Variants in GRM5 observed in about 807,000 individuals in gnomAD.
The protein encoded by GRM5 is glutamate metabotropic receptor 5.
Under a neutral mutation model 83.1 loss-of-function variants are expected in GRM5, and 19 were observed. That is an observed-to-expected ratio of 0.23 (90% CI 0.16 to 0.34). GRM5 has a LOEUF of 0.34. Ranked by LOEUF, GRM5 falls within the 10% of genes least tolerant of loss-of-function variation. The pLI, the probability that GRM5 is intolerant of heterozygous loss-of-function variation, is 1.00. For missense variants in GRM5, 1,160 were observed against 1,588.3 expected (o/e 0.73, Z 4.58); for synonymous variants, 675 against 633.6 (o/e 1.07, Z -0.98).
Position 88,509,394 on chromosome 11 carries a change from G to C in GRM5, c.2837C>G (p.Thr946Arg). Residue 946 changes from threonine (T) to arginine (R), a missense_variant, in exon 10 of 10, where the codon ACG (threonine) becomes AGG (arginine). Coordinates refer to ENST00000305447, the MANE Select transcript of GRM5 (RefSeq NM_001143831.3). ...CTTGGGGAAGGGCTTGATGACGGCC[G>C]TTTGGTTGGGGTTTTCTTTCTTGTT... Reference protein sequence around the residue: ...HINKKENPNQTAVIKPFPKST... With the variant: ...HINKKENPNQRAVIKPFPKST... The C allele has an allele frequency of 6.2e-7, 1 of 1,612,820 alleles. No homozygotes were observed. The highest frequency in any genetic ancestry group is 8.5e-7 in the Non-Finnish European group (1 of 1,179,918).
intron 3 of GRM5, among the ~76,000 whole-genome samples, chr11:88,711,613 A>T (rs536599493): frequency 1.2e-4 from 18 of 152,206 alleles, no homozygotes; most frequent in African/African-American, 4.3e-4. Flanking sequence ...AAGTCATATC[A>T]TCTCTCAGTT....
intron 6 of GRM5, among the ~76,000 whole-genome samples, chr11:88,595,762 C>G (rs1205156839): frequency 2.6e-5 from 4 of 152,158 alleles, no homozygotes; most frequent in Non-Finnish European, 5.9e-5. Flanking sequence ...TTCTCTTCCA[C>G]TGACTACCAT....
rs1178814785 is a variant in GRM5 at position 88,653,169 on chromosome 11, A to G, written c.1146T>C (p.Asn382=). The change falls in exon 4 of 10, where the codon AAT becomes AAC. Residue 382 remains asparagine, a splice_region_variant and synonymous_variant. Transcript: ENST00000305447. ...QENSKYNKTC[N]SSLTLKTHHV... Reference sequence around the variant, plus strand: ...AAATGAAATAATAAATCTGCTTACTATTGCAAGTCTTGTTGTATTTGCTGT... The same window carrying G: ...AAATGAAATAATAAATCTGCTTACTGTTGCAAGTCTTGTTGTATTTGCTGT... The G allele has an allele frequency of 6.5e-7, 1 of 1,549,368 alleles. No homozygotes were observed. The highest frequency in any genetic ancestry group is 1.7e-5 in the Admixed American group (1 of 59,692).
intron 3 of GRM5, among the ~76,000 whole-genome samples, chr11:88,837,567 A>G (rs1240001059): frequency 6.6e-6 from 1 of 152,232 alleles, no homozygotes; most frequent in African/African-American, 2.4e-5. Flanking sequence ...CAAAGCCACC[A>G]GCGCACTTTG....
chr11:88,902,780 G>A (rs1420382626), intron 2 of GRM5, among the ~76,000 whole-genome samples: 2 of 151,802 alleles, frequency 1.3e-5, no homozygotes, highest in African/African-American at 2.4e-5. Flanking sequence ...GTGAAACCCT[G>A]TCTCTACTAA....
At position 88,592,109 on chromosome 11, in the gene GRM5, C is replaced by T. The variant is rs916122748; in HGVS notation, c.1564-1382G>A. On this transcript the variant is annotated intron_variant, in intron 6 of 9. Coordinates refer to ENST00000305447, the MANE Select transcript of GRM5 (RefSeq NM_001143831.3). The stretch of plus-strand genomic sequence containing the variant: ...ATAGACTGCGTGATATTTTGAAAGA[C>T]GCAGGGGAAAGAGCACTGGCTTGGG... 2.6e-5 allele frequency among the ~76,000 whole-genome samples: 4 copies of T among 152,246 alleles called. No homozygotes were observed. The Middle Eastern group carries it at 0.01, about 388-fold the overall frequency.
intron 7 of GRM5, among the ~76,000 whole-genome samples, chr11:88,573,140 C>A (rs577549323): frequency 6.6e-6 from 1 of 152,192 alleles, no homozygotes; most frequent in Non-Finnish European, 1.5e-5. Context: ...CTTGTATAAT[C>A]CATCTTTTCA....
intron 2 of GRM5, among the ~76,000 whole-genome samples, chr11:88,887,271 T>C (rs928518756): frequency 6.6e-6 from 1 of 152,194 alleles, no homozygotes; most frequent in African/African-American, 2.4e-5. Flanking sequence ...TGGTACTTAA[T>C]TAGTAAGGGG....
chr11:88,669,243 T>C (rs1940130793), intron 3 of GRM5, among the ~76,000 whole-genome samples: 1 of 152,136 alleles, frequency 6.6e-6, no homozygotes, highest in African/African-American at 2.4e-5. Flanking sequence ...ATTAACAACA[T>C]AATGCCGTCA....
intron 3 of GRM5, among the ~76,000 whole-genome samples, chr11:88,769,037 A>G (rs1343512636): frequency 6.6e-6 from 1 of 152,090 alleles, no homozygotes; most frequent in East Asian, 1.9e-4. Context: ...CTGTAAGACT[A>G]GGCTAAAGAA....
At chr11:88,910,075 G>C (rs564495083) in intron 2 of GRM5, among the ~76,000 whole-genome samples, 1 of 151,964 alleles carries the variant, frequency 6.6e-6, no homozygotes, top group African/African-American at 2.4e-5. Context: ...TCACTCCCCA[G>C]TTCCCACTTC....
intron 2 of GRM5, among the ~76,000 whole-genome samples, chr11:89,039,357 G>A (rs1941473702): frequency 6.6e-6 from 1 of 151,880 alleles, no homozygotes; most frequent in African/African-American, 2.4e-5. Flanking sequence ...TGTCAACATT[G>A]GGAATTATCA....
chr11:89,059,206 T>C (rs1481668326), intron 1 of GRM5, among the ~76,000 whole-genome samples: 1 of 152,138 alleles, frequency 6.6e-6, no homozygotes, highest in Non-Finnish European at 1.5e-5. Flanking sequence ...TTGAATCTGA[T>C]ATATTTGCAA....
intron 3 of GRM5, among the ~76,000 whole-genome samples, chr11:88,828,467 T>C (rs1434399435): frequency 2.0e-5 from 3 of 152,050 alleles, no homozygotes; most frequent in African/African-American, 7.2e-5. Flanking sequence ...ACTGGAGATA[T>C]GAGGACCCAG....
rs566062330 is a variant in GRM5 at position 88,508,369 on chromosome 11, C to T, written c.*223G>A. 9 of 466,226 alleles carry T rather than the reference C, an allele frequency of 1.9e-5. No individual in the cohort carries two copies. Among genetic ancestry groups the T allele is most frequent in the South Asian group, 1.9e-4 (6 of 31,722 alleles). 28.9% of individuals were successfully genotyped at this position (466,226 alleles called of 1,614,324 possible). A position where few individuals can be genotyped will look rare whatever the true frequency, so the allele number is the denominator to read the frequency against. ...ATATCAGCCGTGTTTCTTAAAAGCC[C>T]ATGTTTTCTAAGGCCACTAGAAGAA... On this transcript the variant is annotated 3_prime_UTR_variant, in exon 10 of 10. Transcript: ENST00000305447. The surrounding 1 kb of genome is among the most constrained non-coding windows in gnomAD (Gnocchi z 4.2).
chr11:88,755,953 C>G (rs1942385822), intron 3 of GRM5, among the ~76,000 whole-genome samples: 1 of 151,964 alleles, frequency 6.6e-6, no homozygotes, highest in African/African-American at 2.4e-5. Context: ...AAAACAAAAG[C>G]CAAAAAAATA....
rs774021776 is a variant in GRM5 at position 89,047,621 on chromosome 11, T to C, written c.252A>G (p.Thr84=). Reference sequence around the variant, plus strand: ...AGCCCAGTGTGATGTTGGGCAAGAGTGTGGGGTCTGAATTGATCCTTTCCA... The same window carrying C: ...AGCCCAGTGTGATGTTGGGCAAGAGCGTGGGGTCTGAATTGATCCTTTCCA... ...HTLERINSDP[T]LLPNITLGCE... The change falls in exon 2 of 10, where the codon ACA becomes ACG. Residue 84 remains threonine (T), a synonymous_variant. Coordinates refer to ENST00000305447, the MANE Select transcript of GRM5 (RefSeq NM_001143831.3). The surrounding 1 kb of genome is among the most constrained non-coding windows in gnomAD (Gnocchi z 5.1). 2 of 1,613,856 alleles carry C rather than the reference T, an allele frequency of 1.2e-6. No homozygotes were observed. The highest frequency in any genetic ancestry group is 1.7e-5 in the Admixed American group (1 of 59,972).
chr11:88,957,249 C>G, intron 2 of GRM5, among the ~76,000 whole-genome samples: 1 of 152,070 alleles, frequency 6.6e-6, no homozygotes, highest in East Asian at 1.9e-4. Context: ...AGAATATATT[C>G]AAGAGAATTG....
chr11:88,990,406 G>C (rs1939923582), intron 2 of GRM5, among the ~76,000 whole-genome samples: 1 of 150,742 alleles, frequency 6.6e-6, no homozygotes, highest in Admixed American at 6.6e-5. Context: ...GGACCAGATG[G>C]ATTCACAGCT....
Sources: allele counts gnomAD v4.1 joint callset (sites outside exome capture counted in the v4.1 genomes callset), GRCh38; gene constraint gnomAD v4.1.1; non-coding constraint Gnocchi (gnomAD v3.1); transcripts MANE v1.5; gene names NCBI Gene and HGNC (gene_info 2026-07-23, HGNC 2026-07-21).